The following CWC27 variants were observed in gnomAD, a reference collection of about 807,000 sequenced individuals.
CWC27 encodes the protein CWC27 spliceosome associated cyclophilin.
Under a neutral mutation model 63.6 loss-of-function variants are expected in CWC27, and 47 were observed. The ratio of observed to expected loss-of-function variants is 0.74; its 90% CI spans 0.58 to 0.94. CWC27 has a LOEUF of 0.94. Among genes scored for constraint, CWC27 ranks in the 40% least tolerant of loss-of-function variants. The pLI is 0.00. For missense variants in CWC27, 495 were observed against 554.3 expected, an observed-to-expected ratio of 0.89 and a Z score of 1.07; for synonymous variants, 175 against 179.8, an observed-to-expected ratio of 0.97 and a Z score of 0.22.
chr5:64,789,036 C>T lies in CWC27; in HGVS notation c.669+16C>T. The T allele has an allele frequency of 2.5e-6, 4 of 1,575,912 alleles. No homozygotes were observed. The highest frequency in any genetic ancestry group is 2.3e-5 in the East Asian group (1 of 44,386). On this transcript the variant is annotated intron_variant, in intron 7 of 13. Transcript: ENST00000381070. ...AGTTAGTCAGGTAATCTCTAATTTG[C>T]CCTTTGTTCTAACTTACAAAAGAGA... is the stretch of plus-strand genomic sequence containing the variant.
intron 13 of CWC27, among the ~76,000 whole-genome samples, chr5:64,986,607 G>A (rs1356828485): frequency 6.6e-6 from 1 of 152,158 alleles, no homozygotes; most frequent in Non-Finnish European, 1.5e-5. Context: ...GCAAAGAACT[G>A]GTATAATTTC....
At chr5:64,802,637 G>C (rs896730287) in intron 9 of CWC27, among the ~76,000 whole-genome samples, 3 of 152,072 alleles carry the variant, frequency 2.0e-5, no homozygotes, top group African/African-American at 7.2e-5. Flanking sequence ...GGAGGTGACT[G>C]ATTCTACACT....
At chr5:64,995,210 G>A (rs898084583) in intron 13 of CWC27, among the ~76,000 whole-genome samples, 3 of 151,952 alleles carry the variant, frequency 2.0e-5, no homozygotes, top group African/African-American at 7.3e-5. Flanking sequence ...GGCCTCGAGC[G>A]ATCCGCCCAC....
intron 11 of CWC27, among the ~76,000 whole-genome samples, chr5:64,965,043 C>T (rs145911826): frequency 2.0e-5 from 3 of 152,226 alleles, no homozygotes; most frequent in East Asian, 3.9e-4. Context: ...GAGCCAAGAT[C>T]GCGCCATTGC....
At chr5:65,016,416 A>T (rs544147866) in intron 13 of CWC27, among the ~76,000 whole-genome samples, 11 of 152,252 alleles carry the variant, frequency 7.2e-5, no homozygotes, top group African/African-American at 2.6e-4. Context: ...CAAGGTGTTC[A>T]CTTGATCCCA....
intron 7 of CWC27, among the ~76,000 whole-genome samples, chr5:64,796,097 C>T (rs190212585): frequency 1.3e-5 from 2 of 150,760 alleles, no homozygotes; most frequent in Admixed American, 6.7e-5. Flanking sequence ...GCAGTGATGT[C>T]AAGGAGATTT....
At chr5:64,851,061 G>T (rs528296737) in intron 10 of CWC27, among the ~76,000 whole-genome samples, 1 of 152,216 alleles carries the variant, frequency 6.6e-6, no homozygotes, top group South Asian at 2.1e-4. Context: ...TCACCTAAAC[G>T]ATTTGAAATT....
intron 11 of CWC27, among the ~76,000 whole-genome samples, chr5:64,930,485 G>A (rs1366394191): frequency 2.6e-5 from 4 of 152,054 alleles, no homozygotes; most frequent in Non-Finnish European, 5.9e-5. Context: ...GAATCCATGA[G>A]GATCTGAATG....
chr5:64,777,806 A>C (rs1203182430), intron 2 of CWC27, among the ~76,000 whole-genome samples: 1 of 152,176 alleles, frequency 6.6e-6, no homozygotes, highest in Non-Finnish European at 1.5e-5. Context: ...TATAAATACA[A>C]CTATAAATGC....
At chr5:64,795,939 G>T (rs1156658014) in intron 7 of CWC27, among the ~76,000 whole-genome samples, 1 of 150,806 alleles carries the variant, frequency 6.6e-6, no homozygotes, top group Admixed American at 6.6e-5. Context: ...AATATACATA[G>T]ATTTTTTTTC....
At chr5:64,821,274 G>A (rs979763561) in intron 10 of CWC27, among the ~76,000 whole-genome samples, 4 of 152,036 alleles carry the variant, frequency 2.6e-5, no homozygotes, top group Admixed American at 6.6e-5. Flanking sequence ...TAGTAGAGAC[G>A]GGGTTTCACC....
At chr5:64,899,409 G>T (rs1330917807) in intron 11 of CWC27, among the ~76,000 whole-genome samples, 2 of 152,194 alleles carry the variant, frequency 1.3e-5, no homozygotes, top group African/African-American at 4.8e-5. Context: ...ATTTGCTGAA[G>T]TAATGAATGA....
intron 11 of CWC27, among the ~76,000 whole-genome samples, chr5:64,913,396 A>T (rs1747829747): frequency 6.6e-6 from 1 of 152,118 alleles, no homozygotes; most frequent in Admixed American, 6.5e-5. Context: ...TAAGGCAAGA[A>T]TTAGAAACAA....
chr5:64,774,644 T>C, intron 1 of CWC27, 47 bp from the exon 2 acceptor site: 1 of 1,172,018 alleles, frequency 8.5e-7, no homozygotes, highest in Non-Finnish European at 1.2e-6. Context: ...TTCAACTGAT[T>C]ATTAAGCAAA....
At chr5:64,857,560 G>A (rs890744226) in intron 10 of CWC27, among the ~76,000 whole-genome samples, 1 of 152,078 alleles carries the variant, frequency 6.6e-6, no homozygotes, top group African/African-American at 2.4e-5. Flanking sequence ...AAATAAGGTA[G>A]CCTTATTAAA....
chr5:64,818,861 A>C (rs754344404), intron 10 of CWC27, among the ~76,000 whole-genome samples: 1 of 152,156 alleles, frequency 6.6e-6, no homozygotes, highest in African/African-American at 2.4e-5. Flanking sequence ...ATTTTAGTGA[A>C]GTTTTAAAAA....
chr5:64,979,272 G>T (rs192312052), intron 13 of CWC27, among the ~76,000 whole-genome samples: 1 of 152,182 alleles, frequency 6.6e-6, no homozygotes. Context: ...TCTTCAGGGC[G>T]TTCATATCTG....
intron 13 of CWC27, among the ~76,000 whole-genome samples, chr5:64,980,776 A>G (rs1296676463): frequency 6.6e-6 from 1 of 152,224 alleles, no homozygotes; most frequent in Non-Finnish European, 1.5e-5. Context: ...TAAATATTTT[A>G]CTGATTATTA....
intron 11 of CWC27, among the ~76,000 whole-genome samples, chr5:64,915,356 T>C (rs1159622493): frequency 6.6e-6 from 1 of 152,196 alleles, no homozygotes; most frequent in African/African-American, 2.4e-5. Flanking sequence ...GGAAAGATAA[T>C]GGTTACTTTT....
Sources: gnomAD v4.1 joint callset for allele counts (sites outside exome capture counted in the v4.1 genomes callset) on GRCh38, gnomAD v4.1.1 for gene constraint, MANE v1.5 for transcripts, NCBI Gene and HGNC (gene_info 2026-07-23, HGNC 2026-07-21) for gene names.